MAP3K5: variants seen among roughly 807,000 people sequenced by gnomAD.
MAP3K5 encodes the protein mitogen-activated protein kinase kinase kinase 5, also known as ASK-1.
In MAP3K5, 56 loss-of-function variants were observed where a neutral mutation model predicts 158.7. The ratio of observed to expected loss-of-function variants is 0.35; its 90% CI spans 0.28 to 0.44. The LOEUF (loss-of-function observed/expected upper bound fraction) is 0.44. Ranked by LOEUF, MAP3K5 falls within the 20% of genes least tolerant of loss-of-function variation. The probability of loss-of-function intolerance (pLI) is 1.00; values close to 1 mark genes in which losing one functional copy is unlikely to be tolerated. For synonymous variants in MAP3K5, 579 were observed against 601.7 expected, an observed-to-expected ratio of 0.96 and a Z score of 0.55; for missense variants, 1,294 against 1,674.8, an observed-to-expected ratio of 0.77 and a Z score of 3.97.
At chr6:136,673,815 G>A (rs1471637641) in intron 7 of MAP3K5, among the ~76,000 whole-genome samples, 1 of 151,562 alleles carries the variant, frequency 6.6e-6, no homozygotes, top group Non-Finnish European at 1.5e-5. Flanking sequence ...GCCCCAGAAA[G>A]AGAAGAAAGA....
intron 28 of MAP3K5, among the ~76,000 whole-genome samples, chr6:136,560,278 G>C (rs117725989): frequency 1.3e-5 from 2 of 151,984 alleles, no homozygotes; most frequent in African/African-American, 2.4e-5. Flanking sequence ...GCCAGGGTTC[G>C]AGACCACCCT....
intron 1 of MAP3K5, among the ~76,000 whole-genome samples, chr6:136,776,082 C>T (rs1784392736): frequency 6.6e-6 from 1 of 152,216 alleles, no homozygotes; most frequent in Admixed American, 6.5e-5. Flanking sequence ...TGTACTTTCT[C>T]ATTACTTATG....
intron 26 of MAP3K5, among the ~76,000 whole-genome samples, chr6:136,562,837 A>ATTTTTTTTTTT (rs3040779): frequency 1.4e-4 from 17 of 124,830 alleles, no homozygotes; most frequent in Admixed American, 3.7e-4. Context: ...TGCCTGGCTA[A>ATTTTTTTTTTT]TTTTTTTTTT....
At chr6:136,672,572 G>A (rs2114543331) in intron 7 of MAP3K5, among the ~76,000 whole-genome samples, 1 of 152,338 alleles carries the variant, frequency 6.6e-6, no homozygotes, top group Admixed American at 6.5e-5. Context: ...GTTGAATGCT[G>A]AGTTGTACAG....
At chr6:136,670,463 ATGACCATT>A (rs1779434792) in intron 7 of MAP3K5, among the ~76,000 whole-genome samples, 1 of 149,872 alleles carries the variant, frequency 6.7e-6, no homozygotes, top group African/African-American at 2.5e-5. Flanking sequence ...TATCTAACAA[ATGACCATT>A]TGATGACACC....
rs1167532463 is a variant in MAP3K5 at position 136,791,625 on chromosome 6, G to A, written c.448+85C>T. 6.9e-6 allele frequency: 10 copies of A among 1,454,564 alleles called. No individual in the cohort carries two copies. In the East Asian group the frequency reaches 9.1e-5, roughly 13 times the overall value. 90.1% of individuals were successfully genotyped at this position (1,454,564 alleles called of 1,614,324 possible). ...GTGGGGCAAGAAGTAAATGCTTCCCGCCCAGAAAAATGAAATGCCCCGAAG... is the reference window on the plus strand; with the variant it reads ...GTGGGGCAAGAAGTAAATGCTTCCCACCCAGAAAAATGAAATGCCCCGAAG... On this transcript the variant is annotated intron_variant, in intron 1 of 29. Transcript: ENST00000359015.
At position 136,622,085 on chromosome 6, in the gene MAP3K5, C is replaced by CAA. The variant is rs57596059; in HGVS notation, c.2150+761_2150+762dup. ...TGGGTGACAGAGCAAGACTCCGTCT[C>CAA]AAAAAAAAAAAAAAAAGAAATAGTG... On this transcript the variant is annotated intron_variant, in intron 15 of 29. Transcript: ENST00000359015. 7.8e-3 allele frequency among the ~76,000 whole-genome samples: 738 copies of CAA among 94,826 alleles called. 6 individuals carry two copies. The highest frequency in any genetic ancestry group is 0.024 in the African/African-American group (695 of 29,162). 62.2% of individuals were successfully genotyped at this position (94,826 alleles called of 152,430 possible).
rs914919887 is a variant in MAP3K5 at position 136,705,138 on chromosome 6, A to G, written c.589-5T>C. ...ATTCTTCTGGCAAATTATTTCCTGAAAAACAAGAAAAAAAATATACCACAA... is the reference window on the plus strand; with the variant it reads ...ATTCTTCTGGCAAATTATTTCCTGAGAAACAAGAAAAAAAATATACCACAA... On this transcript the variant is annotated splice_region_variant and splice_polypyrimidine_tract_variant and intron_variant, in intron 2 of 29. Transcript: ENST00000359015. The G allele has an allele frequency of 1.1e-5, 13 of 1,172,264 alleles. No homozygotes were observed. In the Admixed American group the frequency reaches 2.7e-4, roughly 24 times the overall value. The allele number at this position is 1,172,264 out of a possible 1,614,324, so 72.6% of individuals were successfully genotyped here.
intron 15 of MAP3K5, among the ~76,000 whole-genome samples, chr6:136,618,157 T>C (rs1018724982): frequency 2.0e-5 from 3 of 152,208 alleles, no homozygotes; most frequent in African/African-American, 7.2e-5. Flanking sequence ...CAGATGGTAG[T>C]TTAGTGTACA....
chr6:136,586,498 T>C (rs1775147579), intron 23 of MAP3K5, among the ~76,000 whole-genome samples: 1 of 152,262 alleles, frequency 6.6e-6, no homozygotes, highest in Non-Finnish European at 1.5e-5. Flanking sequence ...ATTTCTGTTC[T>C]GACTCCAGTC....
At chr6:136,644,483 A>G (rs545662088) in intron 11 of MAP3K5, among the ~76,000 whole-genome samples, 3 of 152,226 alleles carry the variant, frequency 2.0e-5, no homozygotes, top group Non-Finnish European at 2.9e-5. Flanking sequence ...TTTAATCAGC[A>G]CAAGCACCAT....
chr6:136,773,397 C>T (rs1756264661), intron 1 of MAP3K5, among the ~76,000 whole-genome samples: 1 of 152,230 alleles, frequency 6.6e-6, no homozygotes, highest in African/African-American at 2.4e-5. Flanking sequence ...ACATCTACCA[C>T]CACCTGCTTT....
intron 1 of MAP3K5, among the ~76,000 whole-genome samples, chr6:136,751,968 T>C (rs1783229462): frequency 6.6e-6 from 1 of 152,178 alleles, no homozygotes; most frequent in Non-Finnish European, 1.5e-5. Flanking sequence ...TATAGAAACA[T>C]CTCTGGTATT....
At chr6:136,614,575 G>A (rs80222089) in intron 15 of MAP3K5, among the ~76,000 whole-genome samples, 88 of 152,272 alleles carry the variant, frequency 5.8e-4, no homozygotes, top group African/African-American at 2.1e-3. Context: ...TTCACAGAGA[G>A]GATGACTGAC....
intron 7 of MAP3K5, among the ~76,000 whole-genome samples, chr6:136,670,669 A>C (rs536937340): frequency 6.6e-6 from 1 of 152,314 alleles, no homozygotes; most frequent in African/African-American, 2.4e-5. Context: ...CCATAATTTA[A>C]AATAAATTAA....
chr6:136,733,634 ACCTT>A (rs1006740496), intron 1 of MAP3K5, among the ~76,000 whole-genome samples: 1 of 151,970 alleles, frequency 6.6e-6, no homozygotes, highest in African/African-American at 2.4e-5. Context: ...AACAAAAAAA[ACCTT>A]TTTTTTTAGA....
At chr6:136,779,231 G>A (rs72983534) in intron 1 of MAP3K5, among the ~76,000 whole-genome samples, 185 of 152,084 alleles carry the variant, frequency 1.2e-3, no homozygotes, top group Admixed American at 3.1e-3. Flanking sequence ...TGGGTATAGA[G>A]TGAGCCTGTC....
intron 5 of MAP3K5, among the ~76,000 whole-genome samples, chr6:136,696,927 G>A (rs1780623729): frequency 1.3e-5 from 2 of 152,224 alleles, no homozygotes; most frequent in South Asian, 4.1e-4. Context: ...GAGGCTAACA[G>A]TAGAATAGAC....
At chr6:136,775,643 T>C (rs142646436) in intron 1 of MAP3K5, among the ~76,000 whole-genome samples, 72 of 152,356 alleles carry the variant, frequency 4.7e-4, no homozygotes, top group African/African-American at 1.5e-3. Flanking sequence ...AAAATCATGA[T>C]TGCTTCATAC....
Sources: gnomAD v4.1 joint callset for allele counts (sites outside exome capture counted in the v4.1 genomes callset) on GRCh38, gnomAD v4.1.1 for gene constraint, MANE v1.5 for transcripts, NCBI Gene and HGNC (gene_info 2026-07-23, HGNC 2026-07-21) for gene names.